The following HSPG2 variants were observed in gnomAD, a reference collection of about 807,000 sequenced individuals.
The protein encoded by HSPG2 is basement membrane-specific heparan sulfate proteoglycan core protein.
In HSPG2, 278 loss-of-function variants were observed where a neutral mutation model predicts 526.6. The observed-to-expected ratio is 0.53, with a 90% CI of 0.48 to 0.58. HSPG2 has a LOEUF of 0.58. HSPG2 is among the 20% of genes least tolerant of loss of function. HSPG2 has a pLI of 0.00. For synonymous variants in HSPG2, 2,465 were observed against 2,555.4 expected (o/e 0.96, Z 1.07); for missense variants, 5,354 against 6,099.5 (o/e 0.88, Z 4.07).
In HSPG2 at chr1:21,833,819, G is replaced by A. The variant is rs113858772; in HGVS notation, c.10827C>T (p.Ser3609=). 2 of 1,590,506 alleles carry A rather than the reference G, an allele frequency of 1.3e-6. No individual in the cohort carries two copies. Residue 3609 remains serine (S), a synonymous_variant, in exon 78 of 97, where the codon AGC becomes AGT. Transcript: ENST00000374695. ...TGGTTCCCTCTCCAGCACTTACCTT[G>A]CTCCAGCTGATGTCAGGAGTGGGGT... ...SGYPTPDISW[S]KLDGSLPPDS... is the part of the protein sequence containing the mutation.
chr1:21,837,369 C>T (rs2098030715), intron 74 of HSPG2, among the ~76,000 whole-genome samples: 1 of 152,214 alleles, frequency 6.6e-6, no homozygotes, highest in Admixed American at 6.5e-5. Flanking sequence ...CAACGTCCAC[C>T]TCCCGGGTTC....
chr1:21,932,207 C>T (rs943728148), intron 1 of HSPG2, among the ~76,000 whole-genome samples: 11 of 152,154 alleles, frequency 7.2e-5, no homozygotes, highest in Non-Finnish European at 1.6e-4. Context: ...CTACTTGGGA[C>T]CAGAGTTCTT....
At chr1:21,932,558 G>A (rs1390502280) in intron 1 of HSPG2, among the ~76,000 whole-genome samples, 1 of 152,172 alleles carries the variant, frequency 6.6e-6, no homozygotes, top group African/African-American at 2.4e-5. Flanking sequence ...GCAGGAGGAA[G>A]CAGATAAACA....
At chr1:21,896,840 C>T (rs1031928589) in intron 1 of HSPG2, among the ~76,000 whole-genome samples, 5 of 152,200 alleles carry the variant, frequency 3.3e-5, no homozygotes, top group African/African-American at 9.7e-5. Flanking sequence ...CTCTGGCCTG[C>T]CCGTCTCCAG....
intron 3 of HSPG2, among the ~76,000 whole-genome samples, chr1:21,892,862 CAAAAAAAAAA>C (rs564802827): frequency 1.9e-5 from 2 of 103,884 alleles, no homozygotes; most frequent in South Asian, 3.5e-4. Context: ...GACTCCATCT[CAAAAAAAAAA>C]AAAAAAAAGA....
Position 21,909,156 on chromosome 1 carries a change from G to C in HSPG2, c.64-12846C>G, listed in dbSNP as rs532064094. 2.6e-5 allele frequency among the ~76,000 whole-genome samples: 4 copies of C among 152,270 alleles called. No individual in the cohort carries two copies. In the South Asian group the frequency reaches 8.3e-4, roughly 32 times the overall value. Reference sequence around the variant, plus strand: ...TCAGGACAGAGCCAGAAGGAGTCAGGCTGCAGAGACCCGCTGAGCAAAGGG... The same window carrying C: ...TCAGGACAGAGCCAGAAGGAGTCAGCCTGCAGAGACCCGCTGAGCAAAGGG... On this transcript the variant is annotated intron_variant, in intron 1 of 96. Transcript: ENST00000374695.
chr1:21,874,109 G>C lies in HSPG2; in HGVS notation c.3657-98C>G, dbSNP rs972871135. 3.7e-6 allele frequency: 4 copies of C among 1,086,974 alleles called. No individual in the cohort carries two copies. In the African/African-American group the frequency reaches 4.7e-5, roughly 13 times the overall value. 67.3% of individuals were successfully genotyped at this position (1,086,974 alleles called of 1,614,324 possible). ...AGGGGAGAGGGGAGGGGAAGAACAG[G>C]CATGTGAACTCATGTGTCCTCAGTG... On this transcript the variant is annotated intron_variant, in intron 28 of 96. Transcript: ENST00000374695.
At position 21,858,281 on chromosome 1, in the gene HSPG2, T is replaced by C. The variant is rs187909094; in HGVS notation, c.5294-896A>G. Among the ~76,000 whole-genome samples the C allele has an allele frequency of 5.9e-5, 9 of 152,318 alleles. No individual in the cohort carries two copies. The highest frequency in any genetic ancestry group is 3.3e-4 in the Admixed American group (5 of 15,302). The stretch of plus-strand genomic sequence containing the variant: ...GCAGGGAGGCTGCCCTGAAAGCCCT[T>C]TTCCCTCTGATTCCCATGATGCCCC... On this transcript the variant is annotated intron_variant, in intron 42 of 96. Coordinates refer to ENST00000374695, the MANE Select transcript of HSPG2 (RefSeq NM_005529.7). This position sits in a 1 kb window ranked among gnomAD's most constrained non-coding sequence, Gnocchi z 4.2.
At chr1:21,831,893 TG>T in intron 81 of HSPG2, 97 bp from the exon 82 acceptor site, 1 of 1,299,258 alleles carries the variant, frequency 7.7e-7, no homozygotes, top group Non-Finnish European at 1.1e-6. Context: ...AGAGGAGGGA[TG>T]TCACCACTTC....
At position 21,823,604 on chromosome 1, in the gene HSPG2, C is replaced by A. The variant is rs756949411; in HGVS notation, c.13003+12G>T. 1 of 1,612,416 alleles carries A rather than the reference C, an allele frequency of 6.2e-7. No homozygotes were observed. The highest frequency in any genetic ancestry group is 1.7e-5 in the Admixed American group (1 of 60,020). On this transcript the variant is annotated intron_variant, in intron 96 of 96. Coordinates refer to ENST00000374695, the MANE Select transcript of HSPG2 (RefSeq NM_005529.7). The stretch of plus-strand genomic sequence containing the variant: ...TTCCTGCCCCTGCCCTGAGAAGGAG[C>A]CCCAGACTTACCGATGTAGACGCTG...
intron 85 of HSPG2, chr1:21,830,309 GT>G: frequency 5.1e-6 from 3 of 586,964 alleles, no homozygotes; most frequent in Admixed American, 5.9e-5. Context: ...GGGACTCTGT[GT>G]GTCTGCAGGT....
chr1:21,935,791 T>C (rs1460989761), intron 1 of HSPG2, among the ~76,000 whole-genome samples: 1 of 151,842 alleles, frequency 6.6e-6, no homozygotes, highest in Non-Finnish European at 1.5e-5. Context: ...GTGCCAGGAG[T>C]GCAAGTTCAG....
At chr1:21,927,599 C>T (rs1644238908) in intron 1 of HSPG2, among the ~76,000 whole-genome samples, 1 of 152,110 alleles carries the variant, frequency 6.6e-6, no homozygotes, top group African/African-American at 2.4e-5. Flanking sequence ...GAGCCCCTGG[C>T]CACACCTCCT....
intron 1 of HSPG2, among the ~76,000 whole-genome samples, chr1:21,921,003 G>A (rs955351508): frequency 1.3e-5 from 2 of 152,190 alleles, no homozygotes; most frequent in African/African-American, 2.4e-5. Context: ...GGTTACCCAA[G>A]ACGAAGATTC....
chr1:21,848,096 G>A lies in HSPG2; in HGVS notation c.7738-3C>T. The A allele has an allele frequency of 6.3e-7, 1 of 1,589,666 alleles. No homozygotes were observed. Among genetic ancestry groups the A allele is most frequent in the African/African-American group, 1.3e-5 (1 of 74,364 alleles). ...ATCCGCAGCCGGGAGCCCACGATCT[G>A]CAGGAAGCAGATGGCAGGAGGTATG... On this transcript the variant is annotated splice_polypyrimidine_tract_variant and splice_region_variant and intron_variant, in intron 59 of 96. Transcript: ENST00000374695. This position sits in a 1 kb window ranked among gnomAD's most constrained non-coding sequence, Gnocchi z 4.9.
intron 1 of HSPG2, among the ~76,000 whole-genome samples, chr1:21,905,062 G>T (rs1338794113): frequency 6.6e-6 from 1 of 152,046 alleles, no homozygotes; most frequent in East Asian, 1.9e-4. Flanking sequence ...TGAACCTGTC[G>T]GGTTAGGCCT....
At chr1:21,863,187 AC>A (rs1475663897) in intron 37 of HSPG2, among the ~76,000 whole-genome samples, 19 of 151,300 alleles carry the variant, frequency 1.3e-4, no homozygotes, top group South Asian at 4.2e-4. Flanking sequence ...CCTGGCTGAC[AC>A]AGGTGAAACC....
In HSPG2 at chr1:21,895,178, G is replaced by A. The variant is rs992324822; in HGVS notation, c.244+744C>T. 2.0e-5 allele frequency among the ~76,000 whole-genome samples: 3 copies of A among 152,188 alleles called. No individual in the cohort carries two copies. Among genetic ancestry groups the A allele is most frequent in the African/African-American group, 7.2e-5 (3 of 41,442 alleles). The stretch of plus-strand genomic sequence containing the variant: ...GACCTGAGCACCTGCTCCATCCTTG[G>A]CCCTGGTCACAGATTGTCCCAGGAG... On this transcript the variant is annotated intron_variant, in intron 3 of 96. Coordinates refer to ENST00000374695, the MANE Select transcript of HSPG2 (RefSeq NM_005529.7). The surrounding 1 kb of genome is among the most constrained non-coding windows in gnomAD (Gnocchi z 4.1).
intron 33 of HSPG2, among the ~76,000 whole-genome samples, chr1:21,867,752 A>G (rs2152739909): frequency 6.6e-6 from 1 of 151,880 alleles, no homozygotes; most frequent in Middle Eastern, 3.4e-3. Flanking sequence ...GTTTTTTGAG[A>G]TGGAGTTTCA....
Sources: allele counts gnomAD v4.1 joint callset (sites outside exome capture counted in the v4.1 genomes callset), GRCh38; gene constraint gnomAD v4.1.1; non-coding constraint Gnocchi (gnomAD v3.1); transcripts MANE v1.5; gene names NCBI Gene and HGNC (gene_info 2026-07-23, HGNC 2026-07-21).